TECRL: variants seen among roughly 807,000 people sequenced by gnomAD.
TECRL encodes trans-2,3-enoyl-CoA reductase-like.
A neutral mutation model predicts 52.8 loss-of-function variants in TECRL; 63 were observed. The observed-to-expected ratio is 1.19, with a 90% CI of 0.97 to 1.47. The LOEUF (loss-of-function observed/expected upper bound fraction) is 1.47, where lower values mean the gene tolerates loss of function less well. Among genes scored for constraint, TECRL ranks in the 40% most tolerant of loss-of-function variants. The pLI is 0.00. For synonymous variants in TECRL, 164 were observed against 141.9 expected (o/e 1.16, Z -1.10); for missense variants, 482 against 429.6 (o/e 1.12, Z -1.08).
At chr4:64,373,495 G>A (rs763479634) in intron 2 of TECRL, among the ~76,000 whole-genome samples, 8 of 151,566 alleles carry the variant, frequency 5.3e-5, no homozygotes, top group Non-Finnish European at 1.2e-4. Flanking sequence ...AATAGAAAAC[G>A]CGTTCCTTTA....
chr4:64,281,366 C>T (rs1722818973), intron 10 of TECRL, 108 bp downstream of exon 10: 3 of 694,886 alleles, frequency 4.3e-6, no homozygotes, highest in Non-Finnish European at 7.2e-6. Context: ...GATAAGACCT[C>T]TATATTTTTC....
intron 4 of TECRL, among the ~76,000 whole-genome samples, chr4:64,319,630 T>C (rs2110023584): frequency 6.6e-6 from 1 of 151,952 alleles, no homozygotes; most frequent in African/African-American, 2.4e-5. Flanking sequence ...TTTTAAAAAG[T>C]TCATACAAAT....
At chr4:64,300,133 C>G in intron 7 of TECRL, 116 bp from the exon 8 acceptor site, 1 of 590,434 alleles carries the variant, frequency 1.7e-6, no homozygotes, top group Non-Finnish European at 2.8e-6. Context: ...ATAGAACTGT[C>G]TAGTATGTAA....
chr4:64,301,275 T>A (rs1220604370), intron 7 of TECRL, among the ~76,000 whole-genome samples: 1 of 151,136 alleles, frequency 6.6e-6, no homozygotes, highest in Non-Finnish European at 1.5e-5. Context: ...TTGTACATTT[T>A]TATAATATTT....
intron 4 of TECRL, among the ~76,000 whole-genome samples, chr4:64,319,325 GT>G (rs60595357): frequency 0.24 from 36,933 of 151,628 alleles, 4,927 homozygotes; most frequent in African/African-American, 0.33. Context: ...TATCATTACA[GT>G]GTAAAACATA....
chr4:64,289,854 T>C (rs766548469), intron 8 of TECRL, 87 bp from the exon 9 acceptor site: 380 of 786,842 alleles, frequency 4.8e-4, no homozygotes, highest in Non-Finnish European at 5.5e-4. Context: ...AAAATCTGTG[T>C]TGTACATTAA....
chr4:64,341,103 T>G (rs1719538824), intron 2 of TECRL, among the ~76,000 whole-genome samples: 1 of 152,154 alleles, frequency 6.6e-6, no homozygotes, highest in Non-Finnish European at 1.5e-5. Flanking sequence ...GTCTCCTCTC[T>G]GCTAAGAGCT....
At chr4:64,282,501 C>T (rs1035140735) in intron 9 of TECRL, among the ~76,000 whole-genome samples, 2 of 151,806 alleles carry the variant, frequency 1.3e-5, no homozygotes, top group Admixed American at 6.6e-5. Context: ...AATATGTAGG[C>T]CTTTTGTTAT....
chr4:64,330,594 G>A (rs1302318841), intron 2 of TECRL, among the ~76,000 whole-genome samples: 2 of 151,976 alleles, frequency 1.3e-5, no homozygotes, highest in Admixed American at 1.3e-4. Context: ...CTTGACCCTT[G>A]GAGTTCAAGA....
At chr4:64,341,211 G>A (rs1422994111) in intron 2 of TECRL, among the ~76,000 whole-genome samples, 1 of 152,084 alleles carries the variant, frequency 6.6e-6, no homozygotes, top group Non-Finnish European at 1.5e-5. Flanking sequence ...TCTTCATCTT[G>A]CCCACCCTCC....
intron 2 of TECRL, among the ~76,000 whole-genome samples, chr4:64,335,712 T>C (rs1324847719): frequency 2.6e-5 from 4 of 152,214 alleles, no homozygotes; most frequent in African/African-American, 9.6e-5. Context: ...TTTCTTCCTC[T>C]TCTTCAACTA....
At chr4:64,323,768 GTAAAGACAGTTAGA>G (rs1718065429) in intron 3 of TECRL, among the ~76,000 whole-genome samples, 1 of 152,144 alleles carries the variant, frequency 6.6e-6, no homozygotes, top group Non-Finnish European at 1.5e-5. Flanking sequence ...ATTCAGTGAG[GTAAAGACAGTTAGA>G]TTTTTGGCCC....
chr4:64,399,349 A>G (rs910619645), intron 1 of TECRL, among the ~76,000 whole-genome samples: 23 of 152,212 alleles, frequency 1.5e-4, no homozygotes, highest in African/African-American at 5.5e-4. Flanking sequence ...CAGAGCATAA[A>G]TGTTTGCAAA....
intron 5 of TECRL, among the ~76,000 whole-genome samples, chr4:64,312,008 G>T (rs1371678014): frequency 2.0e-5 from 3 of 152,156 alleles, no homozygotes; most frequent in Admixed American, 6.5e-5. Flanking sequence ...CAGGTAACAG[G>T]TTCATAAGAT....
chr4:64,296,153 C>T lies in TECRL; in HGVS notation c.774+3821G>A, dbSNP rs79553636. 5.1e-3 allele frequency among the ~76,000 whole-genome samples: 776 copies of T among 151,958 alleles called. 4 individuals are homozygous for T. Among genetic ancestry groups the T allele is most frequent in the African/African-American group, 0.017 (694 of 41,536 alleles). On this transcript the variant is annotated intron_variant, in intron 8 of 11. Transcript: ENST00000381210. Reference sequence around the variant, plus strand: ...TGAAAATGAAAGCACTGAACTTTGGCACCCTTTTTTCTTTCATGCATCTTA... The same window carrying T: ...TGAAAATGAAAGCACTGAACTTTGGTACCCTTTTTTCTTTCATGCATCTTA...
chr4:64,352,272 A>C (rs1426130198), intron 2 of TECRL, among the ~76,000 whole-genome samples: 1 of 152,238 alleles, frequency 6.6e-6, no homozygotes, highest in African/African-American at 2.4e-5. Context: ...AGGCACATCA[A>C]CAATTTCTCT....
At chr4:64,394,527 C>T (rs189356889) in intron 1 of TECRL, among the ~76,000 whole-genome samples, 9 of 152,162 alleles carry the variant, frequency 5.9e-5, no homozygotes, top group Admixed American at 3.9e-4. Flanking sequence ...ACACAATTCC[C>T]GTGGCATAAG....
intron 1 of TECRL, among the ~76,000 whole-genome samples, chr4:64,403,780 G>C (rs1235421202): frequency 6.6e-6 from 1 of 151,100 alleles, no homozygotes; most frequent in African/African-American, 2.4e-5. Context: ...AGAAGACTGA[G>C]GGGGCATGGG....
intron 6 of TECRL, among the ~76,000 whole-genome samples, chr4:64,309,605 G>T (rs1279928742): frequency 3.9e-5 from 6 of 152,078 alleles, no homozygotes; most frequent in African/African-American, 9.7e-5. Context: ...TATCTAGCTT[G>T]TCTTGTAATA....
Sources: allele counts gnomAD v4.1 joint callset (sites outside exome capture counted in the v4.1 genomes callset), GRCh38; gene constraint gnomAD v4.1.1; transcripts MANE v1.5; gene names NCBI Gene and HGNC (gene_info 2026-07-23, HGNC 2026-07-21).